Variants in DCAF6 observed in about 807,000 individuals in gnomAD.
The protein encoded by DCAF6 is DDB1 and CUL4 associated factor 6, also known as DDB1- and CUL4-associated factor 6.
A neutral mutation model predicts 125.1 loss-of-function variants in DCAF6; 54 were observed. The ratio of observed to expected loss-of-function variants is 0.43; its 90% CI spans 0.35 to 0.54. DCAF6 has a LOEUF of 0.54. Ranked by LOEUF, DCAF6 falls within the 20% of genes least tolerant of loss-of-function variation. The pLI is 0.01. For missense variants in DCAF6, 934 were observed against 1,161.7 expected (o/e 0.80, Z 2.85); for synonymous variants, 371 against 390.4 (o/e 0.95, Z 0.58).
chr1:168,059,058 A>G (rs1234983906), intron 17 of DCAF6, among the ~76,000 whole-genome samples: 2 of 151,994 alleles, frequency 1.3e-5, no homozygotes, highest in Non-Finnish European at 2.9e-5. Flanking sequence ...TAATTTTCAC[A>G]TTAAATTTTA....
chr1:167,935,597 T>G (rs933578431), upstream of DCAF6: 2 of 680,194 alleles, frequency 2.9e-6, no homozygotes, highest in African/African-American at 1.8e-5. Context: ...GCTAGGAGAG[T>G]AGACGGCTTC....
At chr1:167,924,299 T>C in the DCAF6 span, 2 of 413,672 alleles carry the variant, frequency 4.8e-6, no homozygotes, top group Non-Finnish European at 8.8e-6. Flanking sequence ...AGGCCTCTTA[T>C]CTAAAGAGTT....
At chr1:168,054,507 C>T (rs2101880941) in intron 17 of DCAF6, among the ~76,000 whole-genome samples, 1 of 152,306 alleles carries the variant, frequency 6.6e-6, no homozygotes, top group South Asian at 2.1e-4. Flanking sequence ...GATTAAGTTT[C>T]ACCATGAGTT....
the DCAF6 span, among the ~76,000 whole-genome samples, chr1:167,870,086 T>C: frequency 6.6e-5 from 10 of 152,244 alleles, no homozygotes; most frequent in East Asian, 1.9e-3. Flanking sequence ...TTTCTCTTTT[T>C]CTTAGCTCTA....
At chr1:167,983,058 T>C (rs560029296) in intron 4 of DCAF6, among the ~76,000 whole-genome samples, 1 of 152,328 alleles carries the variant, frequency 6.6e-6, no homozygotes, top group South Asian at 2.1e-4. Context: ...CTGTTTTGGT[T>C]ACTGTAGCCT....
At chr1:167,944,288 A>G (rs773997741) in intron 1 of DCAF6, among the ~76,000 whole-genome samples, 16 of 152,252 alleles carry the variant, frequency 1.1e-4, no homozygotes, top group Non-Finnish European at 2.1e-4. Flanking sequence ...ACTGGTGCAC[A>G]TATCTTTTAG....
intron 16 of DCAF6, among the ~76,000 whole-genome samples, chr1:168,048,204 A>G (rs969932480): frequency 6.6e-6 from 1 of 152,168 alleles, no homozygotes; most frequent in Non-Finnish European, 1.5e-5. Flanking sequence ...CATTGCACAC[A>G]TGGATGAAAT....
chr1:167,996,041 C>A (rs1033489088), intron 7 of DCAF6, among the ~76,000 whole-genome samples: 12 of 152,112 alleles, frequency 7.9e-5, no homozygotes, highest in Non-Finnish European at 1.5e-4. Flanking sequence ...AATAATTAAT[C>A]TTGAGTAAAG....
chr1:167,880,997 C>A, the DCAF6 span, among the ~76,000 whole-genome samples: 1 of 152,152 alleles, frequency 6.6e-6, no homozygotes, highest in East Asian at 1.9e-4. Context: ...AGCCACTTCT[C>A]AAGTGTGGAA....
chr1:167,957,382 C>G (rs1469477160), intron 2 of DCAF6, among the ~76,000 whole-genome samples: 3 of 152,096 alleles, frequency 2.0e-5, no homozygotes, highest in Non-Finnish European at 2.9e-5. Context: ...AGGGTTCTTT[C>G]ACTTAGTGTA....
the DCAF6 span, among the ~76,000 whole-genome samples, chr1:167,908,651 A>G: frequency 6.6e-6 from 1 of 152,224 alleles, no homozygotes; most frequent in Non-Finnish European, 1.5e-5. Flanking sequence ...ATCACATTGT[A>G]CACCATAAAT....
At chr1:167,964,436 A>G (rs111800889) in intron 2 of DCAF6, among the ~76,000 whole-genome samples, 33 of 152,314 alleles carry the variant, frequency 2.2e-4, no homozygotes, top group Non-Finnish European at 3.4e-4. Flanking sequence ...TTGCTCCTCT[A>G]TAGATAATGT....
intron 4 of DCAF6, among the ~76,000 whole-genome samples, chr1:167,982,801 T>A (rs1463182343): frequency 6.6e-6 from 1 of 152,180 alleles, no homozygotes; most frequent in Non-Finnish European, 1.5e-5. Context: ...AGGTCTTACA[T>A]TTAAATCTGG....
upstream of DCAF6, among the ~76,000 whole-genome samples, chr1:167,934,285 T>C (rs894571368): frequency 6.6e-6 from 1 of 152,192 alleles, no homozygotes; most frequent in Non-Finnish European, 1.5e-5. Context: ...TTACTCTTAC[T>C]CTGTCATGCC....
intron 12 of DCAF6, among the ~76,000 whole-genome samples, chr1:168,032,661 T>C (rs1329280767): frequency 6.6e-6 from 1 of 152,226 alleles, no homozygotes; most frequent in Non-Finnish European, 1.5e-5. Context: ...AATATCATTA[T>C]ATAATCATAC....
At chr1:167,941,467 C>A (rs1173615672) in intron 1 of DCAF6, among the ~76,000 whole-genome samples, 1 of 152,028 alleles carries the variant, frequency 6.6e-6, no homozygotes, top group Non-Finnish European at 1.5e-5. Flanking sequence ...TAAAAATGAT[C>A]CATGATAAAA....
intron 3 of DCAF6, among the ~76,000 whole-genome samples, chr1:167,972,290 A>G (rs976332324): frequency 6.6e-6 from 1 of 152,270 alleles, no homozygotes; most frequent in Non-Finnish European, 1.5e-5. Flanking sequence ...AACAAATTCT[A>G]ACCTTCATTG....
Position 168,054,926 on chromosome 1 carries a change from C to T in DCAF6, c.2300+3993C>T, listed in dbSNP as rs568597450. 2.6e-5 allele frequency among the ~76,000 whole-genome samples: 4 copies of T among 151,432 alleles called. No homozygotes were observed. In the South Asian group the frequency reaches 8.3e-4, roughly 31 times the overall value. ...CTGCCTGCTGGGTTCAAGCAATTCTCCTGCCTCAGCCTCCCAAGTAGCTGG... is the reference window on the plus strand; with the variant it reads ...CTGCCTGCTGGGTTCAAGCAATTCTTCTGCCTCAGCCTCCCAAGTAGCTGG... On this transcript the variant is annotated intron_variant, in intron 17 of 21. Transcript: ENST00000367840.
chr1:167,930,483 A>G, the DCAF6 span, among the ~76,000 whole-genome samples: 1 of 152,206 alleles, frequency 6.6e-6, no homozygotes, highest in African/African-American at 2.4e-5. Context: ...CCTAAATCCT[A>G]ATCTAACAAT....
Sources: gnomAD v4.1 joint callset for allele counts (sites outside exome capture counted in the v4.1 genomes callset) on GRCh38, gnomAD v4.1.1 for gene constraint, MANE v1.5 for transcripts, NCBI Gene and HGNC (gene_info 2026-07-23, HGNC 2026-07-21) for gene names.